HS3ST4: variants seen among roughly 807,000 people sequenced by gnomAD.
HS3ST4 encodes heparan sulfate glucosamine 3-O-sulfotransferase 4.
Under a neutral mutation model 29.2 loss-of-function variants are expected in HS3ST4, and 17 were observed. The observed-to-expected ratio is 0.58, with a 90% CI of 0.40 to 0.87. The LOEUF (loss-of-function observed/expected upper bound fraction) is 0.87. HS3ST4 is among the 40% of genes least tolerant of loss of function. HS3ST4 has a pLI of 0.00. For missense variants in HS3ST4, 627 were observed against 634.5 expected, an observed-to-expected ratio of 0.99 and a Z score of 0.13; for synonymous variants, 314 against 285.7, an observed-to-expected ratio of 1.10 and a Z score of -1.00.
At chr16:26,001,776 A>C (rs1567291176) in intron 1 of HS3ST4, among the ~76,000 whole-genome samples, 1 of 152,140 alleles carries the variant, frequency 6.6e-6, no homozygotes, top group African/African-American at 2.4e-5. Flanking sequence ...CTGAAGTTTC[A>C]GTGTCTTTTG....
Position 25,692,995 on chromosome 16 carries a change from G to C in HS3ST4, c.578G>C (p.Gly193Ala). Residue 193 changes from glycine (G) to alanine (A), a missense_variant, in exon 1 of 2, where the codon GGG (glycine) becomes GCG (alanine). Physicochemically the swap from Gly to Ala is moderately conservative, Grantham distance 60. Coordinates refer to ENST00000331351, the MANE Select transcript of HS3ST4 (RefSeq NM_006040.3). ...RGGAVSTPDY[G>A]EKKLPQALII... Reference sequence around the variant, plus strand: ...GGCGCCGTCAGCACCCCCGACTATGGGGAGAAGAAGCTGCCACAGGCGCTC... The same window carrying C: ...GGCGCCGTCAGCACCCCCGACTATGCGGAGAAGAAGCTGCCACAGGCGCTC... 1.2e-6 allele frequency: 2 copies of C among 1,611,578 alleles called. No homozygotes were observed. The highest frequency in any genetic ancestry group is 1.7e-6 in the Non-Finnish European group (2 of 1,179,364).
chr16:25,850,722 A>T (rs1428804190), intron 1 of HS3ST4, among the ~76,000 whole-genome samples: 1 of 152,190 alleles, frequency 6.6e-6, no homozygotes, highest in Non-Finnish European at 1.5e-5. Context: ...ATCTGGAAGG[A>T]TTTCAAAGTT....
chr16:26,044,831 T>C (rs180866152), intron 1 of HS3ST4, among the ~76,000 whole-genome samples: 3 of 152,182 alleles, frequency 2.0e-5, no homozygotes, highest in African/African-American at 4.8e-5. Flanking sequence ...CCATGTCCCA[T>C]TGAAGGATAC....
chr16:25,802,845 A>G (rs1335021084), intron 1 of HS3ST4, among the ~76,000 whole-genome samples: 2 of 151,480 alleles, frequency 1.3e-5, no homozygotes, highest in African/African-American at 4.9e-5. Context: ...TTTTGTTGCT[A>G]GTGTGAATGT....
chr16:26,129,778 A>G (rs368633172), intron 1 of HS3ST4, among the ~76,000 whole-genome samples: 5 of 152,342 alleles, frequency 3.3e-5, no homozygotes, highest in East Asian at 3.9e-4. Flanking sequence ...GGTGAGTCCA[A>G]TGTCTGAAAA....
chr16:26,031,482 G>A (rs1047278804), intron 1 of HS3ST4, among the ~76,000 whole-genome samples: 4 of 152,120 alleles, frequency 2.6e-5, no homozygotes, highest in Non-Finnish European at 4.4e-5. Flanking sequence ...GCTGGGAAAA[G>A]CTGGCACACA....
At chr16:26,099,013 A>T (rs1898962460) in intron 1 of HS3ST4, among the ~76,000 whole-genome samples, 1 of 152,170 alleles carries the variant, frequency 6.6e-6, no homozygotes, top group Non-Finnish European at 1.5e-5. Context: ...AGCCTCTGGG[A>T]AACCCTGCTG....
intron 1 of HS3ST4, among the ~76,000 whole-genome samples, chr16:25,803,718 C>T (rs1307631870): frequency 6.6e-6 from 1 of 152,038 alleles, no homozygotes; most frequent in Non-Finnish European, 1.5e-5. Flanking sequence ...TCCTGGGTTA[C>T]AACTGTTTTT....
intron 1 of HS3ST4, among the ~76,000 whole-genome samples, chr16:25,730,812 T>A (rs1567228799): frequency 6.6e-6 from 1 of 151,810 alleles, no homozygotes. Context: ...CATCCTTCTA[T>A]CCCTCTTCCC....
intron 1 of HS3ST4, chr16:26,063,046 T>C (rs932772560): frequency 6.1e-6 from 1 of 165,128 alleles, no homozygotes; most frequent in Non-Finnish European, 1.3e-5. Flanking sequence ...TCAACTGCTT[T>C]CCTTTTAACC....
chr16:25,902,998 G>A (rs962659398), intron 1 of HS3ST4, among the ~76,000 whole-genome samples: 2 of 149,552 alleles, frequency 1.3e-5, no homozygotes, highest in Non-Finnish European at 3.0e-5. Flanking sequence ...TCCAGCCTGG[G>A]TGATGGAGTG....
At chr16:25,915,016 T>C (rs545095809) in intron 1 of HS3ST4, among the ~76,000 whole-genome samples, 3 of 152,256 alleles carry the variant, frequency 2.0e-5, no homozygotes, top group African/African-American at 4.8e-5. Context: ...GCGCTGTGCA[T>C]TGAGACAGGT....
intron 1 of HS3ST4, among the ~76,000 whole-genome samples, chr16:26,111,879 T>C (rs963729161): frequency 6.6e-6 from 1 of 151,860 alleles, no homozygotes; most frequent in African/African-American, 2.4e-5. Context: ...TAGCCAGGCA[T>C]GATGATGGGC....
At chr16:25,907,715 C>A (rs1017742724) in intron 1 of HS3ST4, among the ~76,000 whole-genome samples, 1 of 152,168 alleles carries the variant, frequency 6.6e-6, no homozygotes, top group African/African-American at 2.4e-5. Flanking sequence ...CCAAAACACA[C>A]ACACAGTGCA....
chr16:26,089,515 A>G (rs1898828176), intron 1 of HS3ST4, among the ~76,000 whole-genome samples: 1 of 152,200 alleles, frequency 6.6e-6, no homozygotes, highest in Non-Finnish European at 1.5e-5. Context: ...GAGCAGATAG[A>G]AGGACAAGGA....
At chr16:26,002,071 G>A (rs1249742287) in intron 1 of HS3ST4, among the ~76,000 whole-genome samples, 1 of 152,144 alleles carries the variant, frequency 6.6e-6, no homozygotes, top group Non-Finnish European at 1.5e-5. Flanking sequence ...GATACTATGA[G>A]GAGGAGGTGA....
intron 1 of HS3ST4, among the ~76,000 whole-genome samples, chr16:26,130,499 C>T (rs866003988): frequency 6.6e-6 from 1 of 152,200 alleles, no homozygotes; most frequent in Middle Eastern, 3.4e-3. Context: ...GTGTTTGGCG[C>T]TGGGGATACA....
intron 1 of HS3ST4, among the ~76,000 whole-genome samples, chr16:25,831,845 C>A (rs1967304807): frequency 6.6e-6 from 1 of 151,952 alleles, no homozygotes; most frequent in African/African-American, 2.4e-5. Flanking sequence ...GTCACTCACA[C>A]CTATAATCCC....
chr16:26,051,675 C>G (rs962891751), intron 1 of HS3ST4, among the ~76,000 whole-genome samples: 1 of 151,620 alleles, frequency 6.6e-6, no homozygotes, highest in African/African-American at 2.4e-5. Flanking sequence ...CTCTCCCTCC[C>G]TCCTCTCATC....
Sources: allele counts gnomAD v4.1 joint callset (sites outside exome capture counted in the v4.1 genomes callset), GRCh38; gene constraint gnomAD v4.1.1; transcripts MANE v1.5; gene names NCBI Gene and HGNC (gene_info 2026-07-23, HGNC 2026-07-21).